RAB11FIP1: variants seen among roughly 807,000 people sequenced by gnomAD.
RAB11FIP1 encodes rab11 family-interacting protein 1.
Under a neutral mutation model 83.1 loss-of-function variants are expected in RAB11FIP1, and 49 were observed. The observed-to-expected ratio is 0.59, with a 90% CI of 0.47 to 0.75. The LOEUF (loss-of-function observed/expected upper bound fraction) is 0.75. Among genes scored for constraint, RAB11FIP1 ranks in the 30% least tolerant of loss-of-function variants. The probability of loss-of-function intolerance (pLI) is 0.00; values close to 1 mark genes in which losing one functional copy is unlikely to be tolerated. For missense variants in RAB11FIP1, 1,536 were observed against 1,598.7 expected (o/e 0.96, Z 0.67); for synonymous variants, 670 against 656.0 (o/e 1.02, Z -0.33).
chr8:37,876,534 G>A (rs1465380123), intron 2 of RAB11FIP1, among the ~76,000 whole-genome samples: 2 of 151,876 alleles, frequency 1.3e-5, no homozygotes, highest in African/African-American at 4.8e-5. Flanking sequence ...GGAGTTGGAG[G>A]CTGCCGTAAG....
intron 1 of RAB11FIP1, 37 bp from the exon 2 acceptor site, chr8:37,877,588 G>A (rs753761546): frequency 1.3e-5 from 18 of 1,352,878 alleles, no homozygotes; most frequent in Non-Finnish European, 1.9e-5. Context: ...CCTTTGAATG[G>A]AAGCAACTGC....
At position 37,862,443 on chromosome 8, in the gene RAB11FIP1, G is replaced by C. The variant is rs1382619863; in HGVS notation, c.*452C>G. 1 of 156,058 alleles carries C rather than the reference G, an allele frequency of 6.4e-6. No individual in the cohort carries two copies. The highest frequency in any genetic ancestry group is 1.4e-5 in the Non-Finnish European group (1 of 70,342). The allele number at this position is 156,058 out of a possible 1,614,324, so 9.7% of individuals were successfully genotyped here. A position where few individuals can be genotyped will look rare whatever the true frequency, so the allele number is the denominator to read the frequency against. On this transcript the variant is annotated 3_prime_UTR_variant, in exon 6 of 6. Transcript: ENST00000330843. ...AGCTACTCAGAAGCCAAGAAAGTAT[G>C]TGTATGTAACACAGCACCAATCGCA...
Position 37,860,035 on chromosome 8 carries a change from G to A in RAB11FIP1, c.*2860C>T, listed in dbSNP as rs1806205915. 2 of 152,740 alleles carry A rather than the reference G, an allele frequency of 1.3e-5. No homozygotes were observed. The highest frequency in any genetic ancestry group is 2.9e-5 in the Non-Finnish European group (2 of 68,136). The allele number at this position is 152,740 out of a possible 1,614,324, so 9.5% of individuals were successfully genotyped here. On this transcript the variant is annotated 3_prime_UTR_variant, in exon 6 of 6. Coordinates refer to ENST00000330843, the MANE Select transcript of RAB11FIP1 (RefSeq NM_001002814.3). ...GAATTTTTTCCCAGCAGCAGCAGAAGCCAGGCACCCTTGAGTCAATTGTCC... is the reference window on the plus strand; with the variant it reads ...GAATTTTTTCCCAGCAGCAGCAGAAACCAGGCACCCTTGAGTCAATTGTCC...
At chr8:37,878,914 GC>G (rs1476563879) in intron 1 of RAB11FIP1, among the ~76,000 whole-genome samples, 1 of 152,072 alleles carries the variant, frequency 6.6e-6, no homozygotes, top group African/African-American at 2.4e-5. Context: ...GGAATTCGAG[GC>G]TGCAGTGAGC....
intron 5 of RAB11FIP1, among the ~76,000 whole-genome samples, chr8:37,868,931 T>C (rs966640207): frequency 6.6e-6 from 1 of 152,166 alleles, no homozygotes; most frequent in South Asian, 2.1e-4. Context: ...TAATTCATAC[T>C]GAAAAACAGA....
intron 1 of RAB11FIP1, among the ~76,000 whole-genome samples, chr8:37,888,946 C>T (rs1179513559): frequency 1.3e-5 from 2 of 151,854 alleles, no homozygotes; most frequent in African/African-American, 4.8e-5. Context: ...TACAAGCACC[C>T]GCCACCGCGC....
Position 37,874,684 on chromosome 8 carries a change from T to C in RAB11FIP1, c.1453A>G (p.Arg485Gly), listed in dbSNP as rs1250969445. 6.2e-7 allele frequency: 1 copy of C among 1,614,086 alleles called. No individual in the cohort carries two copies. Among genetic ancestry groups the C allele is most frequent in the African/African-American group, 1.3e-5 (1 of 74,936 alleles). ...DASGPAEDLV[R>G]RSEKDTAAVV... ...GCTGCAGTATCTTTCTCAGATCTTC[T>C]CACAAGGTCTTCAGCAGGCCCCGAT... The change falls in exon 3 of 6, where the codon AGA becomes GGA. Residue 485 changes from arginine to glycine, a missense_variant. Transcript: ENST00000330843.
At chr8:37,895,737 C>T (rs1273174442) in intron 1 of RAB11FIP1, among the ~76,000 whole-genome samples, 1 of 151,998 alleles carries the variant, frequency 6.6e-6, no homozygotes, top group East Asian at 1.9e-4. Context: ...GATACTGGGG[C>T]CTTATCAAGA....
intron 1 of RAB11FIP1, among the ~76,000 whole-genome samples, chr8:37,897,861 G>C (rs1807122761): frequency 1.3e-5 from 2 of 152,170 alleles, no homozygotes; most frequent in Admixed American, 1.3e-4. Flanking sequence ...TATGAGGTAG[G>C]GGAAGGGGTT....
rs141108314 is a variant in RAB11FIP1, at chr8:37,885,904, C to T, written c.372-8353G>A. Among the ~76,000 whole-genome samples, 184 of 152,252 alleles carry T rather than the reference C, an allele frequency of 1.2e-3. 3 individuals carry two copies. The highest frequency in any genetic ancestry group is 4.2e-3 in the African/African-American group (176 of 41,542). The stretch of plus-strand genomic sequence containing the variant: ...GAGCTGATCCCAGGGGTCCTTCTGT[C>T]GGAATGTGGCAGGGTCAGGGCAGCA... On this transcript the variant is annotated intron_variant, in intron 1 of 5. Coordinates refer to ENST00000330843, the MANE Select transcript of RAB11FIP1 (RefSeq NM_001002814.3).
Position 37,899,152 on chromosome 8 carries a change from A to G in RAB11FIP1, c.290T>C (p.Leu97Pro). 1 of 1,547,124 alleles carries G rather than the reference A, an allele frequency of 6.5e-7. No homozygotes were observed. Among genetic ancestry groups the G allele is most frequent in the Non-Finnish European group, 8.6e-7 (1 of 1,156,188 alleles). The change falls in exon 1 of 6, where the codon CTG (leucine) becomes CCG (proline). Residue 97 changes from leucine to proline, a missense_variant. Leu to Pro is a moderately conservative substitution (Grantham distance 98). Transcript: ENST00000330843. This position sits in a 1 kb window ranked among gnomAD's most constrained non-coding sequence, Gnocchi z 4.5. ...TLQLTVLHRA[L>P]LGLDKFLGRA... ...GCCCAGGAACTTGTCGAGGCCGAGCAGCGCGCGGTGCAGCACGGTGAGCTG... is the reference window on the plus strand; with the variant it reads ...GCCCAGGAACTTGTCGAGGCCGAGCGGCGCGCGGTGCAGCACGGTGAGCTG...
chr8:37,866,722 T>C (rs1806348528), intron 5 of RAB11FIP1, among the ~76,000 whole-genome samples: 1 of 152,028 alleles, frequency 6.6e-6, no homozygotes, highest in Non-Finnish European at 1.5e-5. Context: ...TAGCATTTCA[T>C]AACTTTAGCT....
intron 1 of RAB11FIP1, among the ~76,000 whole-genome samples, chr8:37,887,522 C>T (rs1186719504): frequency 2.2e-4 from 33 of 147,256 alleles, no homozygotes; most frequent in Non-Finnish European, 3.0e-5. Flanking sequence ...CAGAGTGAGA[C>T]GCCATCTCAA....
chr8:37,863,334 C>T (rs1473120780), intron 5 of RAB11FIP1, among the ~76,000 whole-genome samples: 1 of 152,108 alleles, frequency 6.6e-6, no homozygotes, highest in East Asian at 1.9e-4. Context: ...CAACCTCCGC[C>T]TCCTGGGTTC....
chr8:37,883,235 A>G (rs1008511112), intron 1 of RAB11FIP1, among the ~76,000 whole-genome samples: 4 of 148,780 alleles, frequency 2.7e-5, no homozygotes, highest in East Asian at 4.0e-4. Context: ...GTCTCACTCT[A>G]TCGCCCAGGC....
At chr8:37,883,260 G>A (rs996781645) in intron 1 of RAB11FIP1, among the ~76,000 whole-genome samples, 5 of 151,492 alleles carry the variant, frequency 3.3e-5, no homozygotes, top group African/African-American at 7.3e-5. Context: ...GTGCAGTGAC[G>A]TGATCTCAGC....
intron 1 of RAB11FIP1, among the ~76,000 whole-genome samples, chr8:37,890,863 A>T (rs1166598756): frequency 6.6e-6 from 1 of 152,088 alleles, no homozygotes; most frequent in Non-Finnish European, 1.5e-5. Flanking sequence ...CTTTGATTTC[A>T]TACTTCGGAC....
chr8:37,891,743 T>A lies in RAB11FIP1; in HGVS notation c.371+7328A>T, dbSNP rs557440849. Among the ~76,000 whole-genome samples the A allele has an allele frequency of 1.3e-3, 191 of 152,334 alleles. 2 individuals carry two copies. The East Asian group carries it at 0.03, about 24-fold the overall frequency. Reference sequence around the variant, plus strand: ...AACTGGTTCACTTACTTGAGAATTTTTTTTTCATTTATGGGTCTAACTTTA... The same window carrying A: ...AACTGGTTCACTTACTTGAGAATTTATTTTTCATTTATGGGTCTAACTTTA... On this transcript the variant is annotated intron_variant, in intron 1 of 5. Coordinates refer to ENST00000330843, the MANE Select transcript of RAB11FIP1 (RefSeq NM_001002814.3).
chr8:37,873,139 G>A lies in RAB11FIP1; in HGVS notation c.1663C>T (p.Pro555Ser). The change falls in exon 4 of 6, where the codon CCT becomes TCT. Residue 555 changes from proline (P) to serine (S), a missense_variant. Physicochemically the swap from Pro to Ser is moderately conservative, Grantham distance 74 (BLOSUM62 -1). Transcript: ENST00000330843. ...SPEAQPTARL[P>S]SPTDSPSSLP... Reference sequence around the variant, plus strand: ...GAGGAAGGGGAGTCAGTAGGGGAAGGAAGCCTGGCTGTGGGTTGCGCCTCT... The same window carrying A: ...GAGGAAGGGGAGTCAGTAGGGGAAGAAAGCCTGGCTGTGGGTTGCGCCTCT... 1 of 1,608,916 alleles carries A rather than the reference G, an allele frequency of 6.2e-7. No homozygotes were observed.
Sources: gnomAD v4.1 joint callset for allele counts (sites outside exome capture counted in the v4.1 genomes callset) on GRCh38, gnomAD v4.1.1 for gene constraint, Gnocchi (gnomAD v3.1) non-coding constraint, MANE v1.5 for transcripts, NCBI Gene and HGNC (gene_info 2026-07-23, HGNC 2026-07-21) for gene names.